Variants in FILIP1 observed in about 807,000 individuals in gnomAD.
FILIP1 encodes filamin A interacting protein 1.
In FILIP1, 61 loss-of-function variants were observed where a neutral mutation model predicts 102.1. The observed-to-expected ratio is 0.60, with a 90% CI of 0.49 to 0.74. The LOEUF is 0.74. Among genes scored for constraint, FILIP1 ranks in the 30% least tolerant of loss-of-function variants. The probability of loss-of-function intolerance (pLI) is 0.00; values close to 1 mark genes in which losing one functional copy is unlikely to be tolerated. For synonymous variants in FILIP1, 491 were observed against 526.9 expected (o/e 0.93, Z 0.93); for missense variants, 1,314 against 1,441.2 (o/e 0.91, Z 1.43).
chr6:75,302,559 C>G (rs892223482), intron 6 of FILIP1, among the ~76,000 whole-genome samples: 2 of 152,020 alleles, frequency 1.3e-5, no homozygotes, highest in African/African-American at 4.8e-5. Context: ...AGGACACATC[C>G]GCCAAAAGAA....
rs1464654211 is a variant in FILIP1, at chr6:75,453,592, C to T, written c.-6-38614G>A. Among the ~76,000 whole-genome samples, 3 of 152,228 alleles carry T rather than the reference C, an allele frequency of 2.0e-5. No homozygotes were observed. In the South Asian group the frequency reaches 6.2e-4, roughly 32 times the overall value. On this transcript the variant is annotated intron_variant, in intron 1 of 5. Coordinates refer to ENST00000237172, the MANE Select transcript of FILIP1 (RefSeq NM_015687.5). ...TTGGGAGGCTGAGGTGGGAGGATTG[C>T]TTGAGACCAGAAGTTTGAAACCAGC...
chr6:75,364,278 G>A (rs991109957), intron 2 of FILIP1, among the ~76,000 whole-genome samples: 1 of 152,218 alleles, frequency 6.6e-6, no homozygotes, highest in Non-Finnish European at 1.5e-5. Context: ...TCTCCATGCA[G>A]GTTGAAAGAA....
Position 75,312,600 on chromosome 6 carries a change from A to T in FILIP1, c.3232T>A (p.Ser1078Thr), listed in dbSNP as rs1773242587. 4 of 1,614,048 alleles carry T rather than the reference A, an allele frequency of 2.5e-6. No homozygotes were observed. Among genetic ancestry groups the T allele is most frequent in the Non-Finnish European group, 3.4e-6 (4 of 1,179,996 alleles). The part of the protein sequence containing the change: ...HIHLGSQFKR[S>T]PGTSGEGVSP... ...ACTCCTTCACCTGAAGTCCCAGGGGACCGTTTAAACTGAGACCCTAAGTGA... is the reference window on the plus strand; with the variant it reads ...ACTCCTTCACCTGAAGTCCCAGGGGTCCGTTTAAACTGAGACCCTAAGTGA... Residue 1078 changes from serine to threonine, a missense_variant, in exon 5 of 6, where the codon TCC becomes ACC. Around this residue, in one of 3 missense-constraint regions of FILIP1, gnomAD observed 816 missense variants for 913.1 expected, o/e 0.89. Transcript: ENST00000237172.
intron 4 of FILIP1, among the ~76,000 whole-genome samples, chr6:75,348,700 C>T (rs192215144): frequency 1.1e-3 from 160 of 152,288 alleles, no homozygotes; most frequent in African/African-American, 3.6e-3. Flanking sequence ...CTTTATTAAG[C>T]GCCCCCATAA....
chr6:75,429,822 C>T (rs1312200299), intron 1 of FILIP1, among the ~76,000 whole-genome samples: 1 of 152,190 alleles, frequency 6.6e-6, no homozygotes, highest in African/African-American at 2.4e-5. Context: ...CAGGCTTTCT[C>T]AGCATGAAAA....
intron 4 of FILIP1, among the ~76,000 whole-genome samples, chr6:75,350,903 T>C (rs1774776784): frequency 6.6e-6 from 1 of 152,216 alleles, no homozygotes; most frequent in African/African-American, 2.4e-5. Context: ...AAAGTTAATA[T>C]CAAGTTGCAA....
At chr6:75,457,617 T>TCTCTCTCTCC (rs1017164874) in intron 1 of FILIP1, among the ~76,000 whole-genome samples, 1 of 139,346 alleles carries the variant, frequency 7.2e-6, no homozygotes, top group Non-Finnish European at 1.6e-5. Flanking sequence ...ACAAAGTCTC[T>TCTCTCTCTCC]CTCTCTCTCT....
At chr6:75,369,077 T>C (rs1170158263) in intron 2 of FILIP1, among the ~76,000 whole-genome samples, 4 of 152,228 alleles carry the variant, frequency 2.6e-5, no homozygotes, top group Non-Finnish European at 4.4e-5. Context: ...AGCTCAAGGT[T>C]CTTGGCAGGG....
Position 75,362,777 on chromosome 6 carries a change from T to A in FILIP1, c.417A>T (p.Ile139=). The A allele has an allele frequency of 6.2e-7, 1 of 1,613,784 alleles. No homozygotes were observed. The highest frequency in any genetic ancestry group is 8.5e-7 in the Non-Finnish European group (1 of 1,180,004). ...TCGGTTTCTCATAGACATCTTCTCC[T>A]ATGGATTTCTCCTGGGCAAGAATGG... ...RDAILAQEKS[I]GEDVYEKPIS... Residue 139 remains isoleucine (I), a synonymous_variant, in exon 3 of 6, where the codon ATA becomes ATT. Coordinates refer to ENST00000237172, the MANE Select transcript of FILIP1 (RefSeq NM_015687.5).
chr6:75,331,100 A>ACTATATTGT (rs1413019645), intron 4 of FILIP1, among the ~76,000 whole-genome samples: 7 of 152,232 alleles, frequency 4.6e-5, no homozygotes, highest in African/African-American at 1.4e-4. Context: ...TAGCAGCTAG[A>ACTATATTGT]CTATATTGTA....
At chr6:75,388,312 C>T (rs1373029701) in intron 2 of FILIP1, among the ~76,000 whole-genome samples, 10 of 152,040 alleles carry the variant, frequency 6.6e-5, no homozygotes, top group Non-Finnish European at 4.4e-5. Context: ...AGTCAGATAG[C>T]GTGATGCCTC....
chr6:75,416,072 C>G (rs1385071746), intron 1 of FILIP1, among the ~76,000 whole-genome samples: 1 of 152,064 alleles, frequency 6.6e-6, no homozygotes, highest in Non-Finnish European at 1.5e-5. Flanking sequence ...TTACCATGAA[C>G]AGCTAAGCAA....
intron 3 of FILIP1, among the ~76,000 whole-genome samples, chr6:75,362,270 T>A (rs1415658631): frequency 1.3e-5 from 2 of 152,210 alleles, no homozygotes; most frequent in African/African-American, 4.8e-5. Context: ...GAATTTTGCC[T>A]CTATCACTGT....
chr6:75,353,521 G>GGT lies in FILIP1; in HGVS notation c.629+16_629+17dup. On this transcript the variant is annotated intron_variant, in intron 4 of 5. Transcript: ENST00000237172. The stretch of plus-strand genomic sequence containing the variant: ...CTATGGGCATCCAGATGTGACTGGT[G>GGT]GTGTGTGTGCACATTACCTCTCCCG... 6 of 1,613,534 alleles carry GGT rather than the reference G, an allele frequency of 3.7e-6. No homozygotes were observed. The highest frequency in any genetic ancestry group is 1.1e-5 in the South Asian group (1 of 91,004).
intron 1 of FILIP1, among the ~76,000 whole-genome samples, chr6:75,479,456 ATCT>A (rs1364028404): frequency 6.6e-6 from 1 of 152,186 alleles, no homozygotes; most frequent in Non-Finnish European, 1.5e-5. Context: ...GAAATAATAC[ATCT>A]TCTTTTAATT....
intron 2 of FILIP1, among the ~76,000 whole-genome samples, chr6:75,371,227 T>A (rs1390507504): frequency 1.3e-5 from 2 of 152,226 alleles, no homozygotes; most frequent in African/African-American, 4.8e-5. Flanking sequence ...TGTGACTTTT[T>A]CTCTCTTTGG....
Position 75,327,863 on chromosome 6 carries a change from G to A in FILIP1, c.630-12661C>T, listed in dbSNP as rs189658882. ...AGTGTTTCTCAAAAAGAGACAGCCA[G>A]ACATTATATACAAACCTCCACCCAC... On this transcript the variant is annotated intron_variant, in intron 4 of 5. Coordinates refer to ENST00000237172, the MANE Select transcript of FILIP1 (RefSeq NM_015687.5). 4.1e-3 allele frequency among the ~76,000 whole-genome samples: 621 copies of A among 152,076 alleles called. 3 individuals are homozygous for A. Among genetic ancestry groups the A allele is most frequent in the Non-Finnish European group, 6.3e-3 (428 of 67,992 alleles).
At chr6:75,335,679 A>G (rs1774219494) in intron 4 of FILIP1, among the ~76,000 whole-genome samples, 1 of 152,344 alleles carries the variant, frequency 6.6e-6, no homozygotes, top group Middle Eastern at 3.4e-3. Flanking sequence ...CAATTACAGA[A>G]TAAAAGCACG....
At position 75,450,309 on chromosome 6, in the gene FILIP1, A is replaced by G. The variant is rs578183325; in HGVS notation, c.-6-35331T>C. Reference sequence around the variant, plus strand: ...AATTACTGATTTCAAGAGATGTTCTACAAGTATTCTGTGATTGTTTAATAA... The same window carrying G: ...AATTACTGATTTCAAGAGATGTTCTGCAAGTATTCTGTGATTGTTTAATAA... On this transcript the variant is annotated intron_variant, in intron 1 of 5. Transcript: ENST00000237172. 2.9e-3 allele frequency among the ~76,000 whole-genome samples: 443 copies of G among 152,256 alleles called. 4 individuals carry two copies. Among genetic ancestry groups the G allele is most frequent in the Non-Finnish European group, 5.0e-3 (337 of 67,984 alleles).
Sources: allele counts gnomAD v4.1 joint callset (sites outside exome capture counted in the v4.1 genomes callset), GRCh38; gene constraint gnomAD v4.1.1; regional missense constraint gnomAD v4.1.1; transcripts MANE v1.5; gene names NCBI Gene and HGNC (gene_info 2026-07-23, HGNC 2026-07-21).